Variants in ENPP2 observed in about 807,000 individuals in gnomAD.
ENPP2 encodes autotaxin.
In ENPP2, 51 loss-of-function variants were observed where a neutral mutation model predicts 120.2. The observed-to-expected ratio is 0.42, with a 90% CI of 0.34 to 0.54. ENPP2 has a LOEUF of 0.54. Among genes scored for constraint, ENPP2 ranks in the 20% least tolerant of loss-of-function variants. ENPP2 has a pLI of 0.04. For synonymous variants in ENPP2, 365 were observed against 366.4 expected (o/e 1.00, Z 0.04); for missense variants, 920 against 1,066.5 (o/e 0.86, Z 1.91).
intron 8 of ENPP2, among the ~76,000 whole-genome samples, chr8:119,610,920 A>T (rs1280597351): frequency 6.6e-6 from 1 of 151,354 alleles, no homozygotes; most frequent in Non-Finnish European, 1.5e-5. Flanking sequence ...AAAAAAAAAA[A>T]TACAACTAAA....
intron 13 of ENPP2, among the ~76,000 whole-genome samples, chr8:119,588,683 T>C (rs575022788): frequency 3.9e-5 from 6 of 152,178 alleles, no homozygotes; most frequent in Non-Finnish European, 5.9e-5. Context: ...AGCAACCTGA[T>C]TGAGCAAGCC....
At chr8:119,665,548 G>T (rs933573757) in intron 1 of ENPP2, among the ~76,000 whole-genome samples, 2 of 152,020 alleles carry the variant, frequency 1.3e-5, no homozygotes, top group Non-Finnish European at 2.9e-5. Flanking sequence ...TGATACAAAG[G>T]CACTGAAGTT....
At chr8:119,621,910 G>T (rs1464625742) in intron 3 of ENPP2, among the ~76,000 whole-genome samples, 1 of 151,976 alleles carries the variant, frequency 6.6e-6, no homozygotes, top group Admixed American at 6.6e-5. Context: ...AAGTGGGTGT[G>T]CTTAGCTTTA....
chr8:119,621,322 C>G, intron 4 of ENPP2, 72 bp downstream of exon 4: 1 of 1,373,970 alleles, frequency 7.3e-7, no homozygotes, highest in Non-Finnish European at 1.0e-6. Context: ...CTATTCCTAG[C>G]ATCCAGGATC....
chr8:119,658,704 A>G (rs1817835101), intron 1 of ENPP2, among the ~76,000 whole-genome samples: 2 of 151,134 alleles, frequency 1.3e-5, no homozygotes, highest in South Asian at 4.2e-4. Flanking sequence ...CACTTACCCA[A>G]CTCCTGACAT....
chr8:119,614,949 A>G (rs1375564025), intron 8 of ENPP2, among the ~76,000 whole-genome samples: 1 of 152,200 alleles, frequency 6.6e-6, no homozygotes, highest in Non-Finnish European at 1.5e-5. Context: ...TTATCTGCAG[A>G]TGTACAAGAA....
chr8:119,671,941 A>G (rs1363203605), intron 1 of ENPP2, among the ~76,000 whole-genome samples: 1 of 152,210 alleles, frequency 6.6e-6, no homozygotes, highest in Non-Finnish European at 1.5e-5. Flanking sequence ...GATCCAGGAC[A>G]GAGTCAAAAA....
intron 22 of ENPP2, among the ~76,000 whole-genome samples, chr8:119,567,757 A>T (rs980442850): frequency 6.6e-6 from 1 of 152,248 alleles, no homozygotes; most frequent in Non-Finnish European, 1.5e-5. Flanking sequence ...AGATGCTGTT[A>T]AATATCAAGT....
upstream of ENPP2, among the ~76,000 whole-genome samples, chr8:119,642,200 T>C (rs1324995596): frequency 6.6e-6 from 1 of 152,184 alleles, no homozygotes; most frequent in African/African-American, 2.4e-5. Context: ...CTCTTTTGAA[T>C]ACCCATTTTC....
intron 1 of ENPP2, 24 bp downstream of exon 1, chr8:119,638,724 C>A: frequency 7.3e-7 from 1 of 1,366,292 alleles, no homozygotes; most frequent in Non-Finnish European, 1.0e-6. Flanking sequence ...AAGCATGTCC[C>A]CCGTCATTCC....
intron 1 of ENPP2, 79 bp downstream of exon 1, chr8:119,638,669 C>T: frequency 9.0e-7 from 1 of 1,105,230 alleles, no homozygotes; most frequent in Non-Finnish European, 1.4e-6. Context: ...TCTTAATTTG[C>T]ACAACAAAAA....
At chr8:119,585,572 T>C (rs1453220973) in intron 15 of ENPP2, among the ~76,000 whole-genome samples, 1 of 152,174 alleles carries the variant, frequency 6.6e-6, no homozygotes, top group Non-Finnish European at 1.5e-5. Flanking sequence ...TCCAGGTCTG[T>C]GTGAAAATGG....
intron 2 of ENPP2, among the ~76,000 whole-genome samples, chr8:119,637,782 T>A (rs1425602111): frequency 2.0e-5 from 3 of 152,238 alleles, no homozygotes; most frequent in Non-Finnish European, 4.4e-5. Context: ...ATGGGAACAC[T>A]ACTTATGGTG....
intron 13 of ENPP2, among the ~76,000 whole-genome samples, chr8:119,589,530 G>A (rs1025651553): frequency 5.3e-5 from 8 of 151,952 alleles, no homozygotes; most frequent in African/African-American, 1.7e-4. Context: ...TACTAAAATC[G>A]AGGGGTGCCA....
intron 1 of ENPP2, among the ~76,000 whole-genome samples, chr8:119,645,544 GC>G: frequency 6.6e-6 from 1 of 152,278 alleles, no homozygotes; most frequent in Non-Finnish European, 1.5e-5. Flanking sequence ...TCCTCTCATA[GC>G]CGGGCACGGT....
chr8:119,585,403 G>A (rs1166771388), intron 15 of ENPP2, among the ~76,000 whole-genome samples: 1 of 152,108 alleles, frequency 6.6e-6, no homozygotes, highest in Non-Finnish European at 1.5e-5. Flanking sequence ...GTTCTTCTTA[G>A]AACTTGAGTT....
intron 9 of ENPP2, among the ~76,000 whole-genome samples, chr8:119,605,467 T>TG (rs1209460755): frequency 9.8e-5 from 14 of 142,386 alleles, no homozygotes; most frequent in South Asian, 6.5e-4. Flanking sequence ...TGTGTGTGTA[T>TG]TTTTTTTTTT....
intron 15 of ENPP2, among the ~76,000 whole-genome samples, chr8:119,585,797 T>C (rs985195080): frequency 3.3e-5 from 5 of 152,174 alleles, no homozygotes; most frequent in Non-Finnish European, 5.9e-5. Context: ...TCTATAAATA[T>C]TGCTACAAGC....
chr8:119,600,627 C>G (rs745390344), intron 11 of ENPP2, 51 bp downstream of exon 11: 4 of 1,085,406 alleles, frequency 3.7e-6, no homozygotes, highest in Non-Finnish European at 2.8e-6. Flanking sequence ...GTCAGTAGAT[C>G]AGGTAGCCCA....
Sources: allele counts gnomAD v4.1 joint callset (sites outside exome capture counted in the v4.1 genomes callset), GRCh38; gene constraint gnomAD v4.1.1; transcripts MANE v1.5; gene names NCBI Gene and HGNC (gene_info 2026-07-23, HGNC 2026-07-21).